The following AUTS2 variants were observed in gnomAD, a reference collection of about 807,000 sequenced individuals.
AUTS2 encodes autism susceptibility gene 2 protein.
Under a neutral mutation model 112.4 loss-of-function variants are expected in AUTS2, and 17 were observed. That is an observed-to-expected ratio of 0.15 (90% CI 0.10 to 0.23). AUTS2 has a LOEUF of 0.23. AUTS2 is among the 10% of genes least tolerant of loss of function. AUTS2 has a pLI of 1.00. For missense variants in AUTS2, 1,510 were observed against 1,701.6 expected (o/e 0.89, Z 1.98); for synonymous variants, 751 against 702.7 (o/e 1.07, Z -1.09).
intron 5 of AUTS2, among the ~76,000 whole-genome samples, chr7:70,678,658 T>C (rs926788243): frequency 2.0e-5 from 3 of 152,216 alleles, no homozygotes; most frequent in African/African-American, 7.2e-5. Flanking sequence ...GGTGAATGCT[T>C]AGTACCACCA....
chr7:69,826,917 A>G (rs1447277022), intron 1 of AUTS2, among the ~76,000 whole-genome samples: 3 of 152,096 alleles, frequency 2.0e-5, no homozygotes, highest in Non-Finnish European at 4.4e-5. Context: ...CTTCCATCTC[A>G]AGGAAGTCTA....
At chr7:70,265,649 G>A (rs1283017298) in intron 4 of AUTS2, among the ~76,000 whole-genome samples, 1 of 152,164 alleles carries the variant, frequency 6.6e-6, no homozygotes, top group Non-Finnish European at 1.5e-5. Context: ...TTACCAGCAG[G>A]TGGAAGGAGG....
chr7:70,747,988 A>T (rs1194383899), intron 6 of AUTS2, among the ~76,000 whole-genome samples: 6 of 108,512 alleles, frequency 5.5e-5, no homozygotes, highest in African/African-American at 1.6e-4. Flanking sequence ...CGCCCAGCCA[A>T]TTTTTTTTTT....
At chr7:69,930,308 C>T (rs546686057) in intron 2 of AUTS2, among the ~76,000 whole-genome samples, 1 of 152,090 alleles carries the variant, frequency 6.6e-6, no homozygotes, top group African/African-American at 2.4e-5. Flanking sequence ...AGGGCTCTCT[C>T]TCTGTGTAAT....
At chr7:70,451,617 A>G (rs1023541549) in intron 5 of AUTS2, among the ~76,000 whole-genome samples, 1 of 152,172 alleles carries the variant, frequency 6.6e-6, no homozygotes, top group Non-Finnish European at 1.5e-5. Flanking sequence ...TATATAGTTC[A>G]TTTAAACCTC....
chr7:70,116,428 T>C (rs1805360816), intron 2 of AUTS2, among the ~76,000 whole-genome samples: 3 of 152,288 alleles, frequency 2.0e-5, no homozygotes, highest in Admixed American at 2.0e-4. Context: ...TCAGCCTCAC[T>C]CTATTCATCT....
At chr7:69,995,141 GT>G (rs1236216733) in intron 2 of AUTS2, among the ~76,000 whole-genome samples, 1 of 152,088 alleles carries the variant, frequency 6.6e-6, no homozygotes, top group African/African-American at 2.4e-5. Context: ...TGGATCACAT[GT>G]TTTTTTCTCA....
intron 2 of AUTS2, among the ~76,000 whole-genome samples, chr7:69,941,094 A>C (rs902887863): frequency 6.6e-6 from 1 of 152,172 alleles, no homozygotes; most frequent in African/African-American, 2.4e-5. Context: ...ACACGCACAC[A>C]CATTTGTTGT....
chr7:70,081,380 G>A (rs894832688), intron 2 of AUTS2, among the ~76,000 whole-genome samples: 18 of 126,416 alleles, frequency 1.4e-4, no homozygotes, highest in African/African-American at 5.6e-4. Context: ...GCGAAACCCC[G>A]TCTCTATAAA....
At chr7:70,637,141 C>G (rs115420629) in intron 5 of AUTS2, among the ~76,000 whole-genome samples, 93 of 152,276 alleles carry the variant, frequency 6.1e-4, no homozygotes, top group African/African-American at 2.1e-3. Context: ...CCTGGTTCAG[C>G]CTGATTCCAT....
chr7:70,211,913 G>A (rs980769259), intron 4 of AUTS2, among the ~76,000 whole-genome samples: 2 of 152,064 alleles, frequency 1.3e-5, no homozygotes. Flanking sequence ...GTGAGCCTGG[G>A]AGGCGGAGCT....
At chr7:70,233,244 G>A (rs1054650099) in intron 4 of AUTS2, among the ~76,000 whole-genome samples, 4 of 152,038 alleles carry the variant, frequency 2.6e-5, no homozygotes, top group East Asian at 1.9e-4. Context: ...TCCCTACCAC[G>A]TCATCCAACA....
At chr7:70,383,207 GC>G (rs1793452114) in intron 4 of AUTS2, among the ~76,000 whole-genome samples, 1 of 151,956 alleles carries the variant, frequency 6.6e-6, no homozygotes, top group Non-Finnish European at 1.5e-5. Context: ...AGGAGGAGGT[GC>G]TTAGCATGTG....
At chr7:70,775,652 G>T (rs1348385834) in intron 13 of AUTS2, among the ~76,000 whole-genome samples, 3 of 152,112 alleles carry the variant, frequency 2.0e-5, no homozygotes, top group Admixed American at 6.5e-5. Context: ...CTGGTAAAAG[G>T]TTTGACTAGT....
chr7:70,585,016 T>C (rs1226267616), intron 5 of AUTS2, among the ~76,000 whole-genome samples: 2 of 152,202 alleles, frequency 1.3e-5, no homozygotes, highest in Non-Finnish European at 2.9e-5. Flanking sequence ...TCCTCTGATA[T>C]CCTTTCTGGC....
chr7:70,209,641 C>G (rs1168365556), intron 4 of AUTS2, among the ~76,000 whole-genome samples: 1 of 152,138 alleles, frequency 6.6e-6, no homozygotes, highest in Non-Finnish European at 1.5e-5. Context: ...AAGCATGGAT[C>G]ATGGCAAAAG....
At chr7:70,042,559 G>T (rs1487040562) in intron 2 of AUTS2, among the ~76,000 whole-genome samples, 1 of 152,190 alleles carries the variant, frequency 6.6e-6, no homozygotes, top group Non-Finnish European at 1.5e-5. Flanking sequence ...GCAAGTTCTA[G>T]TATGAATAGA....
At chr7:70,537,608 C>T (rs754840756) in intron 5 of AUTS2, among the ~76,000 whole-genome samples, 4 of 152,120 alleles carry the variant, frequency 2.6e-5, no homozygotes, top group Admixed American at 1.3e-4. Flanking sequence ...ACGATAGGAG[C>T]GGAGGATGTT....
At chr7:70,399,111 C>T (rs1283965027) in intron 4 of AUTS2, among the ~76,000 whole-genome samples, 3 of 151,468 alleles carry the variant, frequency 2.0e-5, no homozygotes, top group Non-Finnish European at 4.4e-5. Flanking sequence ...CTCAGCCTCT[C>T]AAATAGTTGG....
Sources: gnomAD v4.1 joint callset for allele counts (sites outside exome capture counted in the v4.1 genomes callset) on GRCh38, gnomAD v4.1.1 for gene constraint, MANE v1.5 for transcripts, NCBI Gene and HGNC (gene_info 2026-07-23, HGNC 2026-07-21) for gene names.